The following PLAUR variants were observed in gnomAD, a reference collection of about 807,000 sequenced individuals.
The protein encoded by PLAUR is urokinase plasminogen activator surface receptor.
Under a neutral mutation model 33.4 loss-of-function variants are expected in PLAUR, and 22 were observed. The observed-to-expected ratio is 0.66, with a 90% CI of 0.47 to 0.94. The LOEUF (loss-of-function observed/expected upper bound fraction) is 0.94, where lower values mean the gene tolerates loss of function less well. Among genes scored for constraint, PLAUR ranks in the 40% least tolerant of loss-of-function variants. The pLI is 0.00. For missense variants in PLAUR, 408 were observed against 434.7 expected, an observed-to-expected ratio of 0.94 and a Z score of 0.55; for synonymous variants, 148 against 167.3, an observed-to-expected ratio of 0.88 and a Z score of 0.89.
Position 43,648,957 on chromosome 19 carries a change from T to G in PLAUR, c.941A>C (p.His314Pro). The G allele has an allele frequency of 3.1e-6, 5 of 1,613,960 alleles. No individual in the cohort carries two copies. The highest frequency in any genetic ancestry group is 3.4e-6 in the Non-Finnish European group (4 of 1,179,946). ...SGAAPQPGPA[H>P]LSLTITLLMT... ...TAGCAGGGTGATGGTGAGGCTGAGA[T>G]GGGCAGGGCCAGGCTGAGGAGCAGC... Residue 314 changes from histidine (H) to proline (P), a missense_variant, in exon 7 of 7, where the codon CAT (histidine) becomes CCT (proline). Coordinates refer to ENST00000340093, the MANE Select transcript of PLAUR (RefSeq NM_002659.4).
chr19:43,650,128 C>G (rs1973934888), intron 6 of PLAUR, among the ~76,000 whole-genome samples: 1 of 151,662 alleles, frequency 6.6e-6, no homozygotes, highest in Admixed American at 6.6e-5. Flanking sequence ...TCTTCTGCCT[C>G]AGCCTCCCAA....
Position 43,653,923 on chromosome 19 carries a change from A to T in PLAUR, c.607+1516T>A, listed in dbSNP as rs1332874319. Among the ~76,000 whole-genome samples the T allele has an allele frequency of 2.0e-5, 3 of 152,242 alleles. No individual in the cohort carries two copies. In the East Asian group the frequency reaches 5.8e-4, roughly 29 times the overall value. The stretch of plus-strand genomic sequence containing the variant: ...GGCGGATCATGAGGTCAGGAGATCG[A>T]GATCATCCTGGCTAACACAGTGAAA... On this transcript the variant is annotated intron_variant, in intron 5 of 6. Transcript: ENST00000340093.
At chr19:43,664,704 T>A (rs1327988637) in intron 3 of PLAUR, among the ~76,000 whole-genome samples, 2 of 152,240 alleles carry the variant, frequency 1.3e-5, no homozygotes, top group Non-Finnish European at 2.9e-5. Flanking sequence ...GCCCATTTAA[T>A]CTTCCCCTCT....
Position 43,652,288 on chromosome 19 carries a change from C to T in PLAUR, c.691G>A (p.Glu231Lys). 1 of 1,614,146 alleles carries T rather than the reference C, an allele frequency of 6.2e-7. No individual in the cohort carries two copies. Among genetic ancestry groups the T allele is most frequent in the Non-Finnish European group, 8.5e-7 (1 of 1,179,992 alleles). Residue 231 changes from glutamate to lysine, a missense_variant, in exon 6 of 7, where the codon GAG becomes AAG. Transcript: ENST00000340093. ...CCTCGGCAGTCAATGAGGAAAGTCT[C>T]TTCAGAGGAGCATCCATGGGTGCTG... Reference protein sequence around the residue: ...GNSTHGCSSEETFLIDCRGPM... With the variant: ...GNSTHGCSSEKTFLIDCRGPM...
chr19:43,656,703 C>T lies in PLAUR; in HGVS notation c.311-63G>A, dbSNP rs541392287. 30 of 1,368,996 alleles carry T rather than the reference C, an allele frequency of 2.2e-5. No homozygotes were observed. The African/African-American group carries it at 4.2e-4, about 19-fold the overall frequency. 84.8% of individuals were successfully genotyped at this position (1,368,996 alleles called of 1,614,324 possible). On this transcript the variant is annotated intron_variant, in intron 3 of 6. Coordinates refer to ENST00000340093, the MANE Select transcript of PLAUR (RefSeq NM_002659.4). ...GGACAGTCCTGGAGCCCCAGCTCTG[C>T]AAGGACTCACTCAAAATCAATTCCT... is the stretch of plus-strand genomic sequence containing the variant.
At chr19:43,668,954 G>A (rs1302975495) in intron 1 of PLAUR, among the ~76,000 whole-genome samples, 1 of 152,008 alleles carries the variant, frequency 6.6e-6, no homozygotes, top group African/African-American at 2.4e-5. Context: ...GCTCCGCCCC[G>A]AGATTGCAGC....
At position 43,656,468 on chromosome 19, in the gene PLAUR, T is replaced by A. The variant is rs1337749516; in HGVS notation, c.472+11A>T. The A allele has an allele frequency of 6.4e-7, 1 of 1,571,228 alleles. No homozygotes were observed. The highest frequency in any genetic ancestry group is 2.3e-5 in the East Asian group (1 of 43,898). ...GCAGGGAGGAGGAGTTGCCAGCAGGTTGGGGCTCACCTTCTTCACCTTCCT... is the reference window on the plus strand; with the variant it reads ...GCAGGGAGGAGGAGTTGCCAGCAGGATGGGGCTCACCTTCTTCACCTTCCT... On this transcript the variant is annotated intron_variant, in intron 4 of 6. Coordinates refer to ENST00000340093, the MANE Select transcript of PLAUR (RefSeq NM_002659.4).
chr19:43,648,223 TG>T (rs1973856641), downstream of PLAUR, among the ~76,000 whole-genome samples: 1 of 151,978 alleles, frequency 6.6e-6, no homozygotes, highest in South Asian at 2.1e-4. Context: ...TCACCCAGGC[TG>T]GAGTGCAGTG....
rs1974215937 is a variant in PLAUR, at chr19:43,656,494, G to T, written c.457C>A (p.Gln153Lys). ...TGGGGCTCACCTTCTTCACCTTCCT[G>T]GATCCAGTGGGTCACCACATCCAGG... Reference protein sequence around the residue: ...QCLDVVTHWIQEGEEGRPKDD... With the variant: ...QCLDVVTHWIKEGEEGRPKDD... Residue 153 changes from glutamine to lysine, a missense_variant, in exon 4 of 7, where the codon CAG becomes AAG. Transcript: ENST00000340093. 6.3e-7 allele frequency: 1 copy of T among 1,595,356 alleles called. No homozygotes were observed. Among genetic ancestry groups the T allele is most frequent in the South Asian group, 1.1e-5 (1 of 89,474 alleles).
intron 3 of PLAUR, among the ~76,000 whole-genome samples, chr19:43,660,123 T>G (rs1161442644): frequency 6.7e-6 from 1 of 150,144 alleles, no homozygotes; most frequent in Non-Finnish European, 1.5e-5. Context: ...TTTTGTTTTT[T>G]GTTTTGTTTT....
At chr19:43,647,938 CTTT>C (rs564922094), downstream of PLAUR, among the ~76,000 whole-genome samples, 4 of 133,202 alleles carry the variant, frequency 3.0e-5, no homozygotes, top group Non-Finnish European at 3.2e-5. Flanking sequence ...TTAGAGAGCC[CTTT>C]TTTTTTTTTT....
rs768232635 is a variant in PLAUR at position 43,652,234 on chromosome 19, C to T, written c.745G>A (p.Gly249Ser). ...TCGGAGAGGGCCTCACCGTGAGTGC[C>T]GGTGGCTACCAGACATTGATTCATG... ...GPMNQCLVAT[G>S]THEPKNQSYM... The change falls in exon 6 of 7, where the codon GGC (glycine) becomes AGC (serine). Residue 249 changes from glycine (G) to serine (S), a missense_variant. Coordinates refer to ENST00000340093, the MANE Select transcript of PLAUR (RefSeq NM_002659.4). 7 of 1,614,032 alleles carry T rather than the reference C, an allele frequency of 4.3e-6. No homozygotes were observed. Among genetic ancestry groups the T allele is most frequent in the East Asian group, 2.2e-5 (1 of 44,872 alleles).
At position 43,648,986 on chromosome 19, in the gene PLAUR, A is replaced by ACTG; in HGVS notation, c.909_911dup (p.Ser304dup). 1 of 1,614,126 alleles carries ACTG rather than the reference A, an allele frequency of 6.2e-7. No homozygotes were observed. Among genetic ancestry groups the ACTG allele is most frequent in the Non-Finnish European group, 8.5e-7 (1 of 1,180,012 alleles). ...CAGGGCCAGGCTGAGGAGCAGCCCC[A>ACTG]CTGCGGTACTGGACATCCAGGTCTG... is the stretch of plus-strand genomic sequence containing the variant. On this transcript the variant is annotated inframe_insertion, in exon 7 of 7. Transcript: ENST00000340093.
At chr19:43,663,097 G>T (rs1380657953) in intron 3 of PLAUR, among the ~76,000 whole-genome samples, 1 of 152,002 alleles carries the variant, frequency 6.6e-6, no homozygotes, top group African/African-American at 2.4e-5. Flanking sequence ...ATCTCCTCTA[G>T]GGTCCCACAG....
At chr19:43,646,404 G>T (rs993617911), downstream of PLAUR, 3 of 713,464 alleles carry the variant, frequency 4.2e-6, no homozygotes, top group South Asian at 4.5e-5. Flanking sequence ...CCACTTGTCT[G>T]GTGCCTGGGC....
rs999187809 is a variant in PLAUR at position 43,648,644 on chromosome 19, A to C, written c.*246T>G. On this transcript the variant is annotated 3_prime_UTR_variant, in exon 7 of 7. Transcript: ENST00000340093. ...ATATGAATATTAATTAATAACAACA[A>C]CACAACAGCGGCAACAATATTAATA... is the stretch of plus-strand genomic sequence containing the variant. 2.7e-5 allele frequency: 22 copies of C among 803,540 alleles called. No homozygotes were observed. The South Asian group carries it at 3.1e-4, about 11-fold the overall frequency. The allele number at this position is 803,540 out of a possible 1,614,324, so 49.8% of individuals were successfully genotyped here.
chr19:43,654,966 T>C (rs937261548), intron 5 of PLAUR, among the ~76,000 whole-genome samples: 3 of 151,992 alleles, frequency 2.0e-5, no homozygotes, highest in Non-Finnish European at 2.9e-5. Flanking sequence ...ATTGAATCCT[T>C]ACGAAGTTCT....
chr19:43,652,579 G>A (rs1974041242), intron 5 of PLAUR, among the ~76,000 whole-genome samples: 1 of 152,122 alleles, frequency 6.6e-6, no homozygotes, highest in Non-Finnish European at 1.5e-5. Context: ...TCCCATTTCT[G>A]GCCAGGCACC....
Position 43,655,573 on chromosome 19 carries a change from C to A in PLAUR, c.473G>T (p.Gly158Val). ...GAGGTGGCGGTCATCCTTTGGACGC[C>A]CTATGGGGGCCAGGGGACAGAGGTC... ...VTHWIQEGEE[G>V]RPKDDRHLRG... The change falls in exon 5 of 7, where the codon GGG (glycine) becomes GTG (valine). Residue 158 changes from glycine (G) to valine (V), a missense_variant and splice_region_variant. By Grantham distance (109) the Gly-to-Val change is moderately radical. Coordinates refer to ENST00000340093, the MANE Select transcript of PLAUR (RefSeq NM_002659.4). The A allele has an allele frequency of 1.2e-6, 2 of 1,613,538 alleles. No individual in the cohort carries two copies. Among genetic ancestry groups the A allele is most frequent in the Non-Finnish European group, 1.7e-6 (2 of 1,179,756 alleles).
Sources: gnomAD v4.1 joint callset for allele counts (sites outside exome capture counted in the v4.1 genomes callset) on GRCh38, gnomAD v4.1.1 for gene constraint, MANE v1.5 for transcripts, NCBI Gene and HGNC (gene_info 2026-07-23, HGNC 2026-07-21) for gene names.